FRY: variants seen among roughly 807,000 people sequenced by gnomAD.
FRY encodes the protein FRY microtubule binding protein.
In FRY, 128 loss-of-function variants were observed where a neutral mutation model predicts 348.4. The observed-to-expected ratio is 0.37, with a 90% CI of 0.32 to 0.43. The LOEUF is 0.43. Ranked by LOEUF, FRY falls within the 20% of genes least tolerant of loss-of-function variation. FRY has a pLI of 1.00. For missense variants in FRY, 2,736 were observed against 3,695.2 expected (o/e 0.74, Z 6.73); for synonymous variants, 1,370 against 1,374.7 (o/e 1.00, Z 0.08).
In FRY at chr13:32,044,741, G is replaced by T. The variant is rs550836752; in HGVS notation, c.70+12876G>T. ...AGTTGCTGGGGGAACTTCTGGAAAG[G>T]ATTTTCTTCCTGGAAATAAGAGAAA... On this transcript the variant is annotated intron_variant, in intron 1 of 60. Coordinates refer to ENST00000542859, the MANE Select transcript of FRY (RefSeq NM_023037.3). Among the ~76,000 whole-genome samples the T allele has an allele frequency of 2.0e-5, 3 of 152,286 alleles. No individual in the cohort carries two copies. The South Asian group carries it at 6.2e-4, about 32-fold the overall frequency.
chr13:32,252,772 C>T (rs1887146546), intron 50 of FRY, among the ~76,000 whole-genome samples: 1 of 151,966 alleles, frequency 6.6e-6, no homozygotes, highest in Non-Finnish European at 1.5e-5. Flanking sequence ...TAAATACTTG[C>T]TAAAGTACAA....
At chr13:32,159,902 T>C (rs1304038103) in intron 16 of FRY, among the ~76,000 whole-genome samples, 1 of 152,210 alleles carries the variant, frequency 6.6e-6, no homozygotes, top group Non-Finnish European at 1.5e-5. Flanking sequence ...CCTGTGCAAC[T>C]GCTTCCTCTT....
At chr13:32,107,457 A>T (rs199752096) in intron 3 of FRY, among the ~76,000 whole-genome samples, 2 of 152,366 alleles carry the variant, frequency 1.3e-5, no homozygotes, top group East Asian at 3.9e-4. Context: ...ATACTAGTGA[A>T]TGCTTTACAC....
intron 3 of FRY, among the ~76,000 whole-genome samples, chr13:32,111,748 A>G (rs1342239756): frequency 1.3e-5 from 2 of 152,190 alleles, no homozygotes; most frequent in Non-Finnish European, 2.9e-5. Context: ...CAACCCACTT[A>G]TATTTGGACT....
Position 32,239,203 on chromosome 13 carries a change from C to A in FRY, c.6419-49C>A, listed in dbSNP as rs12583908. 8.5e-7 allele frequency: 1 copy of A among 1,181,538 alleles called. No homozygotes were observed. Among genetic ancestry groups the A allele is most frequent in the Non-Finnish European group, 1.3e-6 (1 of 787,152 alleles). The allele number at this position is 1,181,538 out of a possible 1,614,324, so 73.2% of individuals were successfully genotyped here. ...TAACATGCCTTCCCACTGTTAACAGCTAAAATATACCATATTCAGCTATCT... is the reference window on the plus strand; with the variant it reads ...TAACATGCCTTCCCACTGTTAACAGATAAAATATACCATATTCAGCTATCT... On this transcript the variant is annotated intron_variant, in intron 44 of 60. Transcript: ENST00000542859. The surrounding 1 kb of genome is among the most constrained non-coding windows in gnomAD (Gnocchi z 4.3).
At chr13:32,143,909 C>G (rs1880236254) in intron 11 of FRY, among the ~76,000 whole-genome samples, 1 of 152,062 alleles carries the variant, frequency 6.6e-6, no homozygotes, top group Non-Finnish European at 1.5e-5. Flanking sequence ...ATTTCACAGA[C>G]AGGGAAAATC....
Position 32,145,538 on chromosome 13 carries a change from T to TTG in FRY, c.1180-1743_1180-1742insGT, listed in dbSNP as rs1555257783. On this transcript the variant is annotated intron_variant, in intron 11 of 60. Transcript: ENST00000542859. Reference sequence around the variant, plus strand: ...CTCTGACTGATTTGTTTTTTTTTTTTTTTTTTTTTTTTTTTTTGAGACGGA... The same window carrying TTG: ...CTCTGACTGATTTGTTTTTTTTTTTTTGTTTTTTTTTTTTTTTTTGAGACGGA... Among the ~76,000 whole-genome samples, 344 of 136,176 alleles carry TTG rather than the reference T, an allele frequency of 2.5e-3. 10 individuals are homozygous for TTG. The highest frequency in any genetic ancestry group is 8.7e-3 in the African/African-American group (314 of 36,256). The allele number at this position is 136,176 out of a possible 152,430, so 89.3% of individuals were successfully genotyped here. A position where few individuals can be genotyped will look rare whatever the true frequency, so the allele number is the denominator to read the frequency against.
At chr13:32,191,254 C>T (rs1883317884) in intron 28 of FRY, among the ~76,000 whole-genome samples, 2 of 152,112 alleles carry the variant, frequency 1.3e-5, no homozygotes, top group South Asian at 2.1e-4. Flanking sequence ...CCTGGGGTTA[C>T]AGTAAGATTT....
chr13:32,250,093 C>A (rs1293761065), intron 49 of FRY, among the ~76,000 whole-genome samples: 1 of 152,188 alleles, frequency 6.6e-6, no homozygotes, highest in Non-Finnish European at 1.5e-5. Flanking sequence ...CAAAGACCAC[C>A]CTGTCTGCTG....
chr13:32,249,468 G>T, intron 48 of FRY, 58 bp from the exon 49 acceptor site: 1 of 1,590,062 alleles, frequency 6.3e-7, no homozygotes, highest in Non-Finnish European at 8.6e-7. Context: ...GGGGAGAAGG[G>T]TTTCATATAT....
rs1334209359 is a variant in FRY at position 32,185,272 on chromosome 13, T to G, written c.3319+124T>G. The G allele has an allele frequency of 3.9e-6, 3 of 769,384 alleles. No homozygotes were observed. In the African/African-American group the frequency reaches 5.1e-5, roughly 13 times the overall value. 47.7% of individuals were successfully genotyped at this position (769,384 alleles called of 1,614,324 possible). On this transcript the variant is annotated intron_variant, in intron 26 of 60. Transcript: ENST00000542859. ...CAGGTCTGGGATGGTGAAGTTTATT[T>G]ACTTCGAGATACTAGGACATATATA...
chr13:32,081,711 T>C (rs1464212749), intron 2 of FRY, among the ~76,000 whole-genome samples: 1 of 152,248 alleles, frequency 6.6e-6, no homozygotes, highest in Non-Finnish European at 1.5e-5. Flanking sequence ...TTAGTAATTT[T>C]CTGTCCTTAT....
At position 32,234,867 on chromosome 13, in the gene FRY, C is replaced by T. The variant is rs1008739333; in HGVS notation, c.5715+106C>T. On this transcript the variant is annotated intron_variant, in intron 42 of 60. Transcript: ENST00000542859. The stretch of plus-strand genomic sequence containing the variant: ...TTCTGTCAACAATTATTCCAGCCAT[C>T]TGGACATGTACAATATATTTTTTCA... 3 of 893,138 alleles carry T rather than the reference C, an allele frequency of 3.4e-6. No individual in the cohort carries two copies. In the African/African-American group the frequency reaches 4.9e-5, roughly 15 times the overall value. The allele number at this position is 893,138 out of a possible 1,614,324, so 55.3% of individuals were successfully genotyped here.
intron 32 of FRY, 115 bp downstream of exon 32, chr13:32,209,224 T>C (rs1032175791): frequency 2.6e-6 from 3 of 1,158,430 alleles, no homozygotes; most frequent in African/African-American, 3.0e-5. Flanking sequence ...TGACTGGGGA[T>C]AAATAGTGGT....
intron 1 of FRY, among the ~76,000 whole-genome samples, chr13:32,045,615 G>A (rs1872981833): frequency 6.6e-6 from 1 of 152,136 alleles, no homozygotes; most frequent in East Asian, 1.9e-4. Context: ...AATTTCATTG[G>A]CGATGTATAT....
intron 50 of FRY, among the ~76,000 whole-genome samples, chr13:32,252,797 T>A (rs1011607015): frequency 4.6e-5 from 7 of 152,162 alleles, no homozygotes; most frequent in Non-Finnish European, 1.0e-4. Flanking sequence ...ATATTTCTTA[T>A]CGTCTGGGAA....
chr13:32,182,936 C>CA (rs1347060546), intron 23 of FRY, 41 bp from the exon 24 acceptor site: 1 of 1,360,988 alleles, frequency 7.3e-7, no homozygotes. Context: ...AGTTTGGTGT[C>CA]AAAAACAATG....
chr13:32,124,626 A>G lies in FRY; in HGVS notation c.580A>G (p.Ser194Gly). Residue 194 changes from serine (S) to glycine (G), a missense_variant, in exon 6 of 61, where the codon AGT becomes GGT. Ser to Gly is a moderately conservative substitution (Grantham distance 56). Transcript: ENST00000542859. The stretch of plus-strand genomic sequence containing the variant: ...GATTCCACTTCATCCTGTAATAGAC[A>G]GTTTAATACATGATGTTATTAACTT... ...KQIPLHPVIDSLIHDVINLAF... is the reference protein window; with the variant it reads ...KQIPLHPVIDGLIHDVINLAF... 2 of 1,595,186 alleles carry G rather than the reference A, an allele frequency of 1.3e-6. No individual in the cohort carries two copies. The highest frequency in any genetic ancestry group is 1.7e-5 in the Admixed American group (1 of 60,012).
At chr13:32,184,528 A>C in intron 24 of FRY, 72 bp from the exon 25 acceptor site, 2 of 909,314 alleles carry the variant, frequency 2.2e-6, no homozygotes, top group Non-Finnish European at 3.6e-6. Flanking sequence ...CCTTTTGTTA[A>C]TACCATTTTC....
Sources: gnomAD v4.1 joint callset for allele counts (sites outside exome capture counted in the v4.1 genomes callset) on GRCh38, gnomAD v4.1.1 for gene constraint, Gnocchi (gnomAD v3.1) non-coding constraint, MANE v1.5 for transcripts, NCBI Gene and HGNC (gene_info 2026-07-23, HGNC 2026-07-21) for gene names.